The following NPAS3 variants were observed in gnomAD, a reference collection of about 807,000 sequenced individuals.
NPAS3 encodes the protein neuronal PAS domain-containing protein 3.
Under a neutral mutation model 73.1 loss-of-function variants are expected in NPAS3, and 14 were observed. The ratio of observed to expected loss-of-function variants is 0.19; its 90% CI spans 0.13 to 0.30. The LOEUF is 0.30. NPAS3 is among the 10% of genes least tolerant of loss of function. NPAS3 has a pLI of 1.00. For missense variants in NPAS3, 1,096 were observed against 1,250.0 expected (o/e 0.88, Z 1.86); for synonymous variants, 620 against 541.5 (o/e 1.14, Z -2.01).
chr14:33,198,956 C>T (rs376163198), intron 2 of NPAS3, among the ~76,000 whole-genome samples: 26 of 152,290 alleles, frequency 1.7e-4, no homozygotes, highest in African/African-American at 4.3e-4. Flanking sequence ...AACCCAGGGC[C>T]GTCTCTGCAG....
chr14:33,132,789 T>C (rs1020584831), intron 2 of NPAS3, among the ~76,000 whole-genome samples: 28 of 152,168 alleles, frequency 1.8e-4, no homozygotes, highest in African/African-American at 5.8e-4. Flanking sequence ...CAGATGGTAG[T>C]GACTTTAGAA....
chr14:33,195,834 A>G (rs1165099803), intron 2 of NPAS3, among the ~76,000 whole-genome samples: 1 of 152,214 alleles, frequency 6.6e-6, no homozygotes, highest in African/African-American at 2.4e-5. Context: ...AAGGAAAGTC[A>G]GGTTGAATAT....
chr14:33,774,620 G>A (rs1041865054), intron 8 of NPAS3, 90 bp downstream of exon 8: 5 of 1,018,710 alleles, frequency 4.9e-6, no homozygotes, highest in Non-Finnish European at 7.5e-6. Context: ...TACTCTCCCA[G>A]TGAGGTTCAT....
intron 7 of NPAS3, among the ~76,000 whole-genome samples, chr14:33,751,166 G>A (rs966659680): frequency 4.6e-5 from 7 of 152,202 alleles, no homozygotes; most frequent in Admixed American, 1.3e-4. Context: ...TCACAAGGAT[G>A]AAGATTAAGA....
intron 2 of NPAS3, among the ~76,000 whole-genome samples, chr14:33,200,254 C>T (rs1224552307): frequency 1.3e-5 from 2 of 151,252 alleles, no homozygotes; most frequent in Non-Finnish European, 2.9e-5. Flanking sequence ...TAAATATAGA[C>T]ATATAATTAT....
At chr14:33,417,591 A>G (rs994957330) in intron 4 of NPAS3, among the ~76,000 whole-genome samples, 4 of 152,050 alleles carry the variant, frequency 2.6e-5, no homozygotes, top group Non-Finnish European at 4.4e-5. Context: ...TTGAGGAATA[A>G]ATGCACCAAA....
At chr14:33,641,402 TCTC>T (rs1480246519) in intron 5 of NPAS3, among the ~76,000 whole-genome samples, 1 of 152,328 alleles carries the variant, frequency 6.6e-6, no homozygotes, top group Non-Finnish European at 1.5e-5. Context: ...TATGAATTAA[TCTC>T]CTCATACCAG....
At chr14:33,588,226 T>G (rs2056936174) in intron 5 of NPAS3, among the ~76,000 whole-genome samples, 1 of 152,192 alleles carries the variant, frequency 6.6e-6, no homozygotes, top group Non-Finnish European at 1.5e-5. Context: ...CTAAAATGTC[T>G]CCTTCTTTTG....
At chr14:33,344,610 A>G (rs2044641652) in intron 3 of NPAS3, among the ~76,000 whole-genome samples, 1 of 152,346 alleles carries the variant, frequency 6.6e-6, no homozygotes, top group South Asian at 2.1e-4. Context: ...ATGACATTCT[A>G]TACCTTCATT....
At chr14:33,569,204 C>A (rs559841032) in intron 5 of NPAS3, among the ~76,000 whole-genome samples, 1 of 152,166 alleles carries the variant, frequency 6.6e-6, no homozygotes, top group Non-Finnish European at 1.5e-5. Context: ...AATAATAAGA[C>A]AAAAACTTTC....
chr14:33,335,892 G>T (rs917206855), intron 3 of NPAS3, among the ~76,000 whole-genome samples: 22 of 152,128 alleles, frequency 1.4e-4, no homozygotes, highest in Non-Finnish European at 1.8e-4. Context: ...GAATAATACT[G>T]CTGTAAACAT....
At chr14:33,643,606 G>A (rs896655198) in intron 5 of NPAS3, among the ~76,000 whole-genome samples, 11 of 152,126 alleles carry the variant, frequency 7.2e-5, no homozygotes, top group Non-Finnish European at 1.2e-4. Flanking sequence ...GAAGAGAAGA[G>A]CAGTGTCAGA....
intron 5 of NPAS3, among the ~76,000 whole-genome samples, chr14:33,619,467 G>T (rs1595291877): frequency 6.6e-6 from 1 of 151,972 alleles, no homozygotes; most frequent in African/African-American, 2.4e-5. Flanking sequence ...AAATCCAAAG[G>T]GTACCTTGAT....
intron 6 of NPAS3, among the ~76,000 whole-genome samples, chr14:33,698,889 A>G (rs963362389): frequency 3.3e-5 from 5 of 152,230 alleles, no homozygotes; most frequent in African/African-American, 1.2e-4. Context: ...AATGCTGAGG[A>G]TGTACATGTC....
intron 4 of NPAS3, among the ~76,000 whole-genome samples, chr14:33,496,875 A>C (rs2052224698): frequency 6.6e-6 from 1 of 152,158 alleles, no homozygotes; most frequent in South Asian, 2.1e-4. Flanking sequence ...GAAAGAAAGA[A>C]AGTTTATTCC....
intron 4 of NPAS3, among the ~76,000 whole-genome samples, chr14:33,509,741 G>A (rs2052947928): frequency 6.6e-6 from 1 of 151,948 alleles, no homozygotes; most frequent in African/African-American, 2.4e-5. Flanking sequence ...ACTAATGTCG[G>A]GAAACCTGCC....
intron 4 of NPAS3, among the ~76,000 whole-genome samples, chr14:33,423,248 C>G (rs1051233586): frequency 3.3e-5 from 5 of 151,948 alleles, no homozygotes; most frequent in Non-Finnish European, 7.4e-5. Context: ...ATGGTCAAGG[C>G]TTTTTAAATT....
chr14:32,990,100 A>G (rs1450609095), intron 1 of NPAS3, among the ~76,000 whole-genome samples: 2 of 152,210 alleles, frequency 1.3e-5, no homozygotes, highest in African/African-American at 4.8e-5. Context: ...GAATGTAGGA[A>G]AAGGAGCAAA....
chr14:33,093,060 C>G (rs968654044), intron 2 of NPAS3, among the ~76,000 whole-genome samples: 1 of 152,160 alleles, frequency 6.6e-6, no homozygotes, highest in Non-Finnish European at 1.5e-5. Flanking sequence ...TAGGCATGGG[C>G]AAGGACTTCA....
Sources: allele counts gnomAD v4.1 joint callset (sites outside exome capture counted in the v4.1 genomes callset), GRCh38; gene constraint gnomAD v4.1.1; transcripts MANE v1.5; gene names NCBI Gene and HGNC (gene_info 2026-07-23, HGNC 2026-07-21).